Variants in CD6 observed in about 807,000 individuals in gnomAD.
The protein encoded by CD6 is T-cell differentiation antigen CD6.
CD6 carries 53 observed loss-of-function variants against 75.3 expected under a neutral mutation model. The ratio of observed to expected loss-of-function variants is 0.70; its 90% CI spans 0.56 to 0.88. CD6 has a LOEUF of 0.88. Ranked by LOEUF, CD6 falls within the 40% of genes least tolerant of loss-of-function variation. The pLI is 0.00. For synonymous variants in CD6, 359 were observed against 381.5 expected (o/e 0.94, Z 0.69); for missense variants, 770 against 897.1 (o/e 0.86, Z 1.81).
At chr11:60,972,364 G>A (rs1857218726) in intron 1 of CD6, among the ~76,000 whole-genome samples, 2 of 152,198 alleles carry the variant, frequency 1.3e-5, no homozygotes, top group Admixed American at 6.5e-5. Flanking sequence ...AGCACCTCCC[G>A]AAACAGGACT....
At chr11:60,990,550 G>A (rs894643989) in intron 1 of CD6, among the ~76,000 whole-genome samples, 13 of 151,912 alleles carry the variant, frequency 8.6e-5, no homozygotes, top group South Asian at 2.1e-4. Flanking sequence ...AACCCAATGC[G>A]TCCTCACCAC....
chr11:61,018,681 G>GATA, intron 12 of CD6: 1 of 408,756 alleles, frequency 2.4e-6, no homozygotes, highest in South Asian at 4.1e-5. Flanking sequence ...ATTAGCCAAG[G>GATA]GTAGCACGTG....
At chr11:61,016,149 G>A (rs113546513) in intron 9 of CD6, among the ~76,000 whole-genome samples, 14 of 152,294 alleles carry the variant, frequency 9.2e-5, no homozygotes, top group East Asian at 1.9e-4. Context: ...GTGTGAGAGC[G>A]GGGGAGTGCG....
Position 60,971,893 on chromosome 11 carries a change from T to C in CD6, c.28T>C (p.Leu10=). The change falls in exon 1 of 13, where the codon TTG becomes CTG. Residue 10 remains leucine, a synonymous_variant. Transcript: ENST00000313421. Reference sequence around the variant, plus strand: ...GTGGCTCTTCTTCGGGATCACTGGATTGCTGACGGCAGCCCTCTCAGGTAG... The same window carrying C: ...GTGGCTCTTCTTCGGGATCACTGGACTGCTGACGGCAGCCCTCTCAGGTAG... MWLFFGITG[L]LTAALSGHPS... 2 of 1,614,092 alleles carry C rather than the reference T, an allele frequency of 1.2e-6. No individual in the cohort carries two copies. The highest frequency in any genetic ancestry group is 3.3e-5 in the Admixed American group (2 of 60,026).
chr11:61,015,364 A>T, intron 8 of CD6: 1 of 190,956 alleles, frequency 5.2e-6, no homozygotes, highest in Non-Finnish European at 1.1e-5. Context: ...TGAGCCCAGG[A>T]GTTTGAGAAC....
Position 61,018,327 on chromosome 11 carries a change from G to C in CD6, c.1876G>C (p.Gly626Arg). The change falls in exon 12 of 13, where the codon GGG becomes CGG. Residue 626 changes from glycine (G) to arginine (R), a missense_variant. Transcript: ENST00000313421. ...PADDSSSTSS[G>R]EWYQNFQPPP... The stretch of plus-strand genomic sequence containing the variant: ...TGATGACAGCTCCAGCACCTCATCC[G>C]GGGAGTGGTACCAGAACTTCCAGCC... 1 of 1,608,326 alleles carries C rather than the reference G, an allele frequency of 6.2e-7. No homozygotes were observed. Among genetic ancestry groups the C allele is most frequent in the Non-Finnish European group, 8.5e-7 (1 of 1,177,540 alleles).
intron 1 of CD6, among the ~76,000 whole-genome samples, chr11:60,997,781 GA>G (rs1220435023): frequency 2.6e-5 from 4 of 152,060 alleles, no homozygotes; most frequent in Non-Finnish European, 5.9e-5. Flanking sequence ...AAATTAAATG[GA>G]AAACATTTTG....
intron 1 of CD6, among the ~76,000 whole-genome samples, chr11:61,004,184 T>TCA (rs1858734769): frequency 6.6e-6 from 1 of 151,922 alleles, no homozygotes; most frequent in African/African-American, 2.4e-5. Flanking sequence ...CACATCACAT[T>TCA]CACACACACA....
rs749358989 is a variant in CD6, at chr11:61,011,119, TCAGA to T, written c.1138_1141del (p.Thr380SerfsTer3). On this transcript the variant is annotated frameshift_variant, in exon 6 of 13. Transcript: ENST00000313421. LOFTEE classifies it high-confidence loss of function. ...CCACTCCCGAAGTCCCTGCAAGTGT[TCAGA>T]CAGTCACTATAGGTAAGTGTTGCTG... The T allele has an allele frequency of 2.5e-6, 4 of 1,614,000 alleles. No homozygotes were observed. The highest frequency in any genetic ancestry group is 3.4e-6 in the Non-Finnish European group (4 of 1,179,968).
intron 1 of CD6, among the ~76,000 whole-genome samples, chr11:60,995,782 C>T (rs894471355): frequency 6.6e-6 from 1 of 152,014 alleles, no homozygotes; most frequent in Non-Finnish European, 1.5e-5. Flanking sequence ...CCCCCTGCCC[C>T]GGAGAAGGAA....
chr11:61,015,112 C>T (rs1565161469), intron 8 of CD6, among the ~76,000 whole-genome samples: 1 of 151,976 alleles, frequency 6.6e-6, no homozygotes, highest in Non-Finnish European at 1.5e-5. Context: ...ACCCACTTCA[C>T]AGAGTTATCA....
intron 1 of CD6, among the ~76,000 whole-genome samples, chr11:60,999,051 A>G (rs555280606): frequency 1.3e-5 from 2 of 152,116 alleles, no homozygotes; most frequent in Non-Finnish European, 2.9e-5. Flanking sequence ...CCAGCTATTC[A>G]GGAGGCTGAG....
At chr11:61,009,976 G>T (rs1367617668) in intron 5 of CD6, 102 bp downstream of exon 5, 2 of 1,164,996 alleles carry the variant, frequency 1.7e-6, no homozygotes, top group Admixed American at 2.6e-5. Context: ...CACCAGATCG[G>T]CAATGGCACA....
chr11:60,994,110 T>C (rs1301754350), intron 1 of CD6, among the ~76,000 whole-genome samples: 1 of 152,172 alleles, frequency 6.6e-6, no homozygotes, highest in Non-Finnish European at 1.5e-5. Context: ...GTGAACATCA[T>C]CTGTCCTGTG....
chr11:61,016,655 G>A (rs754435820), intron 9 of CD6, among the ~76,000 whole-genome samples: 3 of 152,214 alleles, frequency 2.0e-5, no homozygotes, highest in Non-Finnish European at 2.9e-5. Flanking sequence ...TGCTGGAGAT[G>A]GCCACAGATT....
In CD6 at chr11:61,018,003, A is replaced by T; in HGVS notation, c.1827A>T (p.Pro609=). ...PPNLELAGTQ[P]AFSAGPPADD... is the part of the protein sequence containing the mutation. ...ACTTGGAGCTGGCCGGCACCCAGCC[A>T]GCCTTTTCAGGTAAGCTGTGCCTCC... The change falls in exon 11 of 13, where the codon CCA becomes CCT. Residue 609 remains proline, a synonymous_variant. Coordinates refer to ENST00000313421, the MANE Select transcript of CD6 (RefSeq NM_006725.5). 1 of 1,611,246 alleles carries T rather than the reference A, an allele frequency of 6.2e-7. No homozygotes were observed.
chr11:60,980,153 T>C (rs1857507071), intron 1 of CD6, among the ~76,000 whole-genome samples: 1 of 152,166 alleles, frequency 6.6e-6, no homozygotes, highest in African/African-American at 2.4e-5. Context: ...GACTGATGGG[T>C]ACACAGGATT....
intron 1 of CD6, among the ~76,000 whole-genome samples, chr11:60,977,287 T>C (rs1857399907): frequency 2.0e-5 from 3 of 152,170 alleles, no homozygotes; most frequent in Non-Finnish European, 4.4e-5. Context: ...AACTGTCCTT[T>C]AGGACAGGAG....
chr11:60,995,155 T>C (rs1403651320), intron 1 of CD6, among the ~76,000 whole-genome samples: 1 of 149,818 alleles, frequency 6.7e-6, no homozygotes, highest in Admixed American at 6.7e-5. Flanking sequence ...TTCTTTCTTT[T>C]CTTTTTTGAA....
Sources: allele counts gnomAD v4.1 joint callset (sites outside exome capture counted in the v4.1 genomes callset), GRCh38; gene constraint gnomAD v4.1.1; transcripts MANE v1.5; gene names NCBI Gene and HGNC (gene_info 2026-07-23, HGNC 2026-07-21).